Variants in MCOLN1 observed in about 807,000 individuals in gnomAD.
MCOLN1 encodes mucolipin-1.
A neutral mutation model predicts 70.3 loss-of-function variants in MCOLN1; 50 were observed. The observed-to-expected ratio is 0.71, with a 90% confidence interval of 0.57 to 0.90. The LOEUF (loss-of-function observed/expected upper bound fraction) is 0.90. Ranked by LOEUF, MCOLN1 falls within the 40% of genes least tolerant of loss-of-function variation. MCOLN1 has a pLI of 0.00. For missense variants in MCOLN1, 598 were observed against 803.5 expected, an observed-to-expected ratio of 0.74 and a Z score of 3.09; for synonymous variants, 366 against 341.0, an observed-to-expected ratio of 1.07 and a Z score of -0.81.
chr19:7,523,399 C>T (rs890420088), intron 1 of MCOLN1, among the ~76,000 whole-genome samples: 1 of 152,202 alleles, frequency 6.6e-6, no homozygotes, highest in Admixed American at 6.5e-5. Flanking sequence ...ATAGATGTCC[C>T]GGTGTCCCAG....
At position 7,528,141 on chromosome 19, in the gene MCOLN1, C is replaced by A; in HGVS notation, c.778-17C>A. 3.7e-6 allele frequency: 6 copies of A among 1,613,568 alleles called. No individual in the cohort carries two copies. Among genetic ancestry groups the A allele is most frequent in the Non-Finnish European group, 5.1e-6 (6 of 1,179,576 alleles). ...GGGGCTGCCAAGGTTTACTCTGCCC[C>A]CAACTGGCCCCCACAGATCACGTTT... On this transcript the variant is annotated splice_polypyrimidine_tract_variant and intron_variant, in intron 6 of 13. Transcript: ENST00000264079. The surrounding 1 kb of genome is among the most constrained non-coding windows in gnomAD (Gnocchi z 4.2).
chr19:7,523,127 C>T (rs1350709280), intron 1 of MCOLN1, among the ~76,000 whole-genome samples: 1 of 152,238 alleles, frequency 6.6e-6, no homozygotes, highest in South Asian at 2.1e-4. Context: ...GCACCAGCTT[C>T]TCCAACCCGC....
chr19:7,533,933 G>C lies in MCOLN1; in HGVS notation c.*138G>C. On this transcript the variant is annotated 3_prime_UTR_variant, in exon 14 of 14. Transcript: ENST00000264079. The stretch of plus-strand genomic sequence containing the variant: ...GAGGAGGGCCTGGACCTTTCGTGTC[G>C]GACCCTTGGGGGCGGGGAGACTGGG... The C allele has an allele frequency of 1.1e-6, 1 of 949,664 alleles. No homozygotes were observed. The highest frequency in any genetic ancestry group is 1.6e-6 in the Non-Finnish European group (1 of 606,374). The allele number at this position is 949,664 out of a possible 1,614,324, so 58.8% of individuals were successfully genotyped here. A position where few individuals can be genotyped will look rare whatever the true frequency, so the allele number is the denominator to read the frequency against.
intron 10 of MCOLN1, among the ~76,000 whole-genome samples, 177 bp from the exon 11 acceptor site, chr19:7,529,413 C>G (rs184455224): frequency 6.6e-6 from 1 of 152,190 alleles, no homozygotes; most frequent in Non-Finnish European, 1.5e-5. Flanking sequence ...TCTAGCCGTG[C>G]GTTGCCCTCG....
intron 10 of MCOLN1, 121 bp downstream of exon 10, chr19:7,529,323 A>G: frequency 4.2e-6 from 4 of 952,392 alleles, no homozygotes; most frequent in South Asian, 2.7e-5. Context: ...TCCTCCTCCT[A>G]CCTGCCCACA....
rs757051981 is a variant in MCOLN1, at chr19:7,527,900, C to T, written c.717C>T (p.Thr239=). 9.3e-6 allele frequency: 15 copies of T among 1,614,168 alleles called. No individual in the cohort carries two copies. Among genetic ancestry groups the T allele is most frequent in the Non-Finnish European group, 1.3e-5 (15 of 1,180,012 alleles). The change falls in exon 6 of 14, where the codon ACC becomes ACT. Residue 239 remains threonine, a synonymous_variant. Transcript: ENST00000264079. The stretch of plus-strand genomic sequence containing the variant: ...TCACCATCCACTTCCGGCTGAAGAC[C>T]ATTAACCTCCAGAGCCTCATCAATA... The part of the protein sequence containing the change: ...VNVTIHFRLK[T]INLQSLINNE...
At position 7,526,363 on chromosome 19, in the gene MCOLN1, C is replaced by T. The variant is rs1014524292; in HGVS notation, c.238-76C>T. The T allele has an allele frequency of 1.2e-5, 19 of 1,566,198 alleles. No individual in the cohort carries two copies. Among genetic ancestry groups the T allele is most frequent in the African/African-American group, 2.7e-5 (2 of 74,008 alleles). ...TCTGCAGGGCCCTCCCTGTCCTCTT[C>T]CAGGGCCTGTGCCCTGAGGGAGATA... On this transcript the variant is annotated intron_variant, in intron 2 of 13. Coordinates refer to ENST00000264079, the MANE Select transcript of MCOLN1 (RefSeq NM_020533.3). This position sits in a 1 kb window ranked among gnomAD's most constrained non-coding sequence, Gnocchi z 4.6.
Position 7,522,644 on chromosome 19 carries a change from G to T in MCOLN1, c.-107G>T. 8.3e-7 allele frequency: 1 copy of T among 1,211,572 alleles called. No homozygotes were observed. Among genetic ancestry groups the T allele is most frequent in the Non-Finnish European group, 1.1e-6 (1 of 904,752 alleles). The allele number at this position is 1,211,572 out of a possible 1,614,324, so 75.1% of individuals were successfully genotyped here. A position where few individuals can be genotyped will look rare whatever the true frequency, so the allele number is the denominator to read the frequency against. ...GAGGCACAGATCAGCTGATGCCGGA[G>T]GGTTTGAAGCCGCGCCGCGAGGGAG... On this transcript the variant is annotated 5_prime_UTR_variant, in exon 1 of 14. In the 5' UTR this introduces an upstream ATG that the reference lacks. Coordinates refer to ENST00000264079, the MANE Select transcript of MCOLN1 (RefSeq NM_020533.3).
chr19:7,528,010 C>G lies in MCOLN1; in HGVS notation c.777+50C>G. On this transcript the variant is annotated intron_variant, in intron 6 of 13. Transcript: ENST00000264079. This position sits in a 1 kb window ranked among gnomAD's most constrained non-coding sequence, Gnocchi z 4.2. The stretch of plus-strand genomic sequence containing the variant: ...GGCTCCTGAGTTCCAGGGCAGGGAC[C>G]TGGTCAGGGAGTGTCTTGGGAGCAC... 6.4e-7 allele frequency: 1 copy of G among 1,570,364 alleles called. No individual in the cohort carries two copies. The highest frequency in any genetic ancestry group is 8.8e-7 in the Non-Finnish European group (1 of 1,140,374).
chr19:7,529,250 C>T, intron 10 of MCOLN1, 48 bp downstream of exon 10: 1 of 1,515,422 alleles, frequency 6.6e-7, no homozygotes, highest in Non-Finnish European at 9.1e-7. Context: ...TACTCCACAC[C>T]CTCCAAATAA....
intron 5 of MCOLN1, 99 bp from the exon 6 acceptor site, chr19:7,527,765 C>T (rs763488296): frequency 8.5e-7 from 1 of 1,174,134 alleles, no homozygotes. Context: ...AGCACTTCCC[C>T]TGCCAGCTGC....
Position 7,525,453 on chromosome 19 carries a change from A to C in MCOLN1, c.237+287A>C, listed in dbSNP as rs1477839373. On this transcript the variant is annotated intron_variant, in intron 2 of 13. Transcript: ENST00000264079. The surrounding 1 kb of genome is among the most constrained non-coding windows in gnomAD (Gnocchi z 4.2). ...GGTTGCCGTGAGCTGAAATCATGCC[A>C]CTGCACTCCAGCCTGGGCAACAGAG... 2.6e-6 allele frequency: 1 copy of C among 390,192 alleles called. No homozygotes were observed. Among genetic ancestry groups the C allele is most frequent in the Non-Finnish European group, 4.9e-6 (1 of 203,448 alleles). The allele number at this position is 390,192 out of a possible 1,614,324, so 24.2% of individuals were successfully genotyped here. A position where few individuals can be genotyped will look rare whatever the true frequency, so the allele number is the denominator to read the frequency against.
chr19:7,533,421 G>C lies in MCOLN1; in HGVS notation c.1576-102G>C, dbSNP rs528941504. The C allele has an allele frequency of 8.2e-5, 125 of 1,518,514 alleles. No homozygotes were observed. In the African/African-American group the frequency reaches 1.4e-3, roughly 17 times the overall value. The allele number at this position is 1,518,514 out of a possible 1,614,324, so 94.1% of individuals were successfully genotyped here. A position where few individuals can be genotyped will look rare whatever the true frequency, so the allele number is the denominator to read the frequency against. ...GGCCCAGCAAGTGCAAAGGCCCGGA[G>C]GTGGGAAGCGATGCAGATATGGCTG... On this transcript the variant is annotated intron_variant, in intron 12 of 13. Transcript: ENST00000264079.
At chr19:7,523,986 C>T (rs1298958656) in intron 1 of MCOLN1, among the ~76,000 whole-genome samples, 1 of 151,932 alleles carries the variant, frequency 6.6e-6, no homozygotes, top group Admixed American at 6.6e-5. Context: ...AGATGGGGTC[C>T]CAGCTACTAA....
Position 7,528,299 on chromosome 19 carries a change from G to C in MCOLN1, c.877+42G>C. 6.3e-7 allele frequency: 1 copy of C among 1,575,968 alleles called. No homozygotes were observed. The highest frequency in any genetic ancestry group is 8.7e-7 in the Non-Finnish European group (1 of 1,145,914). On this transcript the variant is annotated intron_variant, in intron 7 of 13. Transcript: ENST00000264079. The surrounding 1 kb of genome is among the most constrained non-coding windows in gnomAD (Gnocchi z 4.2). The stretch of plus-strand genomic sequence containing the variant: ...CAGACCAGCACTGACCAGGGGCCCT[G>C]GCCTGTCCTGGGATTCCCCAAGCCC...
rs137887342 is a variant in MCOLN1 at position 7,528,668 on chromosome 19, G to T, written c.949G>T (p.Ala317Ser). The T allele has an allele frequency of 6.2e-7, 1 of 1,614,152 alleles. No homozygotes were observed. The highest frequency in any genetic ancestry group is 1.1e-5 in the South Asian group (1 of 91,084). ...LTCSLSFLLC[A>S]RSLLRGFLLQ... ...CTGCTCCCTGTCCTTCCTCCTCTGCGCCCGCTCACTCCTTCGAGGCTTCCT... is the reference window on the plus strand; with the variant it reads ...CTGCTCCCTGTCCTTCCTCCTCTGCTCCCGCTCACTCCTTCGAGGCTTCCT... Residue 317 changes from alanine (A) to serine (S), a missense_variant, in exon 8 of 14, where the codon GCC becomes TCC. Ala to Ser is a moderately conservative substitution (Grantham distance 99). Transcript: ENST00000264079. The surrounding 1 kb of genome is among the most constrained non-coding windows in gnomAD (Gnocchi z 4.2).
At position 7,533,988 on chromosome 19, in the gene MCOLN1, A is replaced by G. The variant is rs2022719533; in HGVS notation, c.*193A>G. ...GAGGGTGTTGAATAAAAGGGAAAAT[A>G]AATGTGTCGTTTTCATTTTTAGCGG... On this transcript the variant is annotated 3_prime_UTR_variant, in exon 14 of 14. Transcript: ENST00000264079. 3 of 671,980 alleles carry G rather than the reference A, an allele frequency of 4.5e-6. No homozygotes were observed. The highest frequency in any genetic ancestry group is 7.8e-6 in the Non-Finnish European group (3 of 382,364). 41.6% of individuals were successfully genotyped at this position (671,980 alleles called of 1,614,324 possible).
rs751699944 is a variant in MCOLN1, at chr19:7,533,803, T to C, written c.*8T>C. 9.9e-6 allele frequency: 16 copies of C among 1,614,036 alleles called. No individual in the cohort carries two copies. In the East Asian group the frequency reaches 2.7e-4, roughly 27 times the overall value. ...TCGCTGCTGGTGAATTGATTCGACC[T>C]GACTGCCGTTGGACCGTAGGCCCTG... On this transcript the variant is annotated 3_prime_UTR_variant, in exon 14 of 14. Transcript: ENST00000264079.
chr19:7,526,383 G>C lies in MCOLN1; in HGVS notation c.238-56G>C. The C allele has an allele frequency of 6.2e-7, 1 of 1,604,768 alleles. No homozygotes were observed. Among genetic ancestry groups the C allele is most frequent in the South Asian group, 1.1e-5 (1 of 90,890 alleles). ...CTCTTCCAGGGCCTGTGCCCTGAGG[G>C]AGATACACCCCAACCCCCATCCTAG... is the stretch of plus-strand genomic sequence containing the variant. On this transcript the variant is annotated intron_variant, in intron 2 of 13. Coordinates refer to ENST00000264079, the MANE Select transcript of MCOLN1 (RefSeq NM_020533.3). The surrounding 1 kb of genome is among the most constrained non-coding windows in gnomAD (Gnocchi z 4.6).
Sources: allele counts gnomAD v4.1 joint callset (sites outside exome capture counted in the v4.1 genomes callset), GRCh38; gene constraint gnomAD v4.1.1; non-coding constraint Gnocchi (gnomAD v3.1); transcripts MANE v1.5; gene names NCBI Gene and HGNC (gene_info 2026-07-23, HGNC 2026-07-21).